Variants in INSL6 observed in about 807,000 individuals in gnomAD.
INSL6 encodes the protein insulin like 6.
A neutral mutation model predicts 9.4 loss-of-function variants in INSL6; 16 were observed. The ratio of observed to expected loss-of-function variants is 1.70; its 90% confidence interval spans 1.15 to 2.59. The LOEUF is 2.59. Ranked by LOEUF, INSL6 falls within the 30% of genes most tolerant of loss-of-function variation. The pLI, the probability that INSL6 is intolerant of heterozygous loss-of-function variation, is 0.00. For missense variants in INSL6, 391 were observed against 257.3 expected (o/e 1.52, Z -3.56); for synonymous variants, 154 against 96.9 (o/e 1.59, Z -3.46).
At chr9:5,008,301 AC>A in the INSL6 span, among the ~76,000 whole-genome samples, 1 of 152,212 alleles carries the variant, frequency 6.6e-6, no homozygotes, top group East Asian at 1.9e-4. Context: ...TTATGGCCTA[AC>A]ATGTGGTCTA....
the INSL6 span, among the ~76,000 whole-genome samples, chr9:5,070,718 G>GA: frequency 3.9e-5 from 6 of 151,932 alleles, no homozygotes; most frequent in Non-Finnish European, 8.8e-5. Context: ...TGGATTTATT[G>GA]AAAAAAACCC....
At chr9:5,128,569 G>A (rs1483443300) in intron 3 of INSL6, among the ~76,000 whole-genome samples, 1 of 151,720 alleles carries the variant, frequency 6.6e-6, no homozygotes, top group Admixed American at 6.6e-5. Flanking sequence ...CTCTAACATT[G>A]CTTTTTAAAA....
intron 3 of INSL6, among the ~76,000 whole-genome samples, chr9:5,129,839 T>G (rs1824226246): frequency 6.6e-6 from 1 of 152,194 alleles, no homozygotes; most frequent in Non-Finnish European, 1.5e-5. Context: ...CTTTTTACAT[T>G]AATCAGATTC....
At chr9:5,149,967 A>C (rs1268441222) in intron 2 of INSL6, among the ~76,000 whole-genome samples, 1 of 152,178 alleles carries the variant, frequency 6.6e-6, no homozygotes, top group Non-Finnish European at 1.5e-5. Context: ...ACTGATCTCT[A>C]ACAACGTTGA....
Position 5,185,596 on chromosome 9 carries a change from G to C in INSL6, c.7C>G (p.Arg3Gly). 5 of 1,611,892 alleles carry C rather than the reference G, an allele frequency of 3.1e-6. No homozygotes were observed. The highest frequency in any genetic ancestry group is 1.1e-5 in the South Asian group (1 of 90,818). MP[R>G]LLRLSLLWLG... ...CACAGCAGGGACAAGCGGAGGAGCC[G>C]CGGCATCCCTGTGACCCCAGGCTAG... The change falls in exon 1 of 2, where the codon CGG becomes GGG. Residue 3 changes from arginine to glycine, a missense_variant. Transcript: ENST00000381641.
chr9:5,016,268 C>G, the INSL6 span, among the ~76,000 whole-genome samples: 2 of 152,144 alleles, frequency 1.3e-5, no homozygotes, highest in African/African-American at 4.8e-5. Context: ...TGCATCGTAT[C>G]AGATACCTCC....
At chr9:5,064,514 A>T in the INSL6 span, among the ~76,000 whole-genome samples, 1 of 151,230 alleles carries the variant, frequency 6.6e-6, no homozygotes, top group East Asian at 1.9e-4. Context: ...TGGGCGATGG[A>T]GCAAGACTCT....
the INSL6 span, among the ~76,000 whole-genome samples, chr9:5,087,336 A>T: frequency 2.0e-4 from 30 of 152,292 alleles, no homozygotes; most frequent in East Asian, 5.8e-3. Context: ...ATCTCATGAG[A>T]ACTATCACGA....
the INSL6 span, among the ~76,000 whole-genome samples, chr9:5,115,563 A>G: frequency 2.6e-5 from 4 of 152,342 alleles, no homozygotes; most frequent in East Asian, 7.7e-4. Context: ...ATTACTGGGT[A>G]TATACCCAAA....
At chr9:5,122,176 AC>A (rs1418790139), downstream of INSL6, among the ~76,000 whole-genome samples, 3 of 152,114 alleles carry the variant, frequency 2.0e-5, no homozygotes, top group African/African-American at 7.2e-5. Flanking sequence ...TATGTAATTC[AC>A]ATTTTTAATA....
At chr9:5,156,542 T>TA (rs952977059) in intron 2 of INSL6, among the ~76,000 whole-genome samples, 2 of 151,510 alleles carry the variant, frequency 1.3e-5, no homozygotes, top group East Asian at 3.9e-4. Context: ...TACTCATGAT[T>TA]AAAAAAAAAT....
At chr9:5,070,336 G>C in the INSL6 span, among the ~76,000 whole-genome samples, 1 of 151,672 alleles carries the variant, frequency 6.6e-6, no homozygotes, top group Non-Finnish European at 1.5e-5. Flanking sequence ...GACCTATATC[G>C]CAACTCCCAA....
chr9:5,030,265 A>G, the INSL6 span, among the ~76,000 whole-genome samples: 5 of 152,172 alleles, frequency 3.3e-5, no homozygotes, highest in Non-Finnish European at 5.9e-5. Context: ...TTCACATCTT[A>G]TCTTTATAAA....
At chr9:5,065,375 A>G in the INSL6 span, among the ~76,000 whole-genome samples, 1 of 152,326 alleles carries the variant, frequency 6.6e-6, no homozygotes, top group East Asian at 1.9e-4. Flanking sequence ...CCACAGTGCA[A>G]AATTTGAAAA....
chr9:5,100,838 G>A, the INSL6 span: 1 of 152,300 alleles, frequency 6.6e-6, no homozygotes, highest in Non-Finnish European at 1.5e-5. Context: ...ACAGCCACAG[G>A]CTTTCATGGA....
At chr9:5,061,082 G>A in the INSL6 span, among the ~76,000 whole-genome samples, 5 of 152,288 alleles carry the variant, frequency 3.3e-5, 1 homozygote, top group South Asian at 8.3e-4. Flanking sequence ...AAAATAGTCA[G>A]TAAACCATGC....
the INSL6 span, chr9:5,073,570 T>G: frequency 1.4e-6 from 1 of 720,770 alleles, no homozygotes; most frequent in East Asian, 2.5e-5. Context: ...CCAAAGCACA[T>G]TGTATCCTCA....
At chr9:5,157,284 T>C (rs921107333) in intron 2 of INSL6, among the ~76,000 whole-genome samples, 9 of 152,072 alleles carry the variant, frequency 5.9e-5, no homozygotes, top group Admixed American at 3.9e-4. Context: ...GGCTCAACAA[T>C]AGCCAATACA....
chr9:5,005,047 G>A, the INSL6 span, among the ~76,000 whole-genome samples: 7 of 129,054 alleles, frequency 5.4e-5, no homozygotes, highest in Non-Finnish European at 1.1e-4. Flanking sequence ...CTCTTGAGTA[G>A]TTGGGACTGC....
Sources: gnomAD v4.1 joint callset for allele counts (sites outside exome capture counted in the v4.1 genomes callset) on GRCh38, gnomAD v4.1.1 for gene constraint, MANE v1.5 for transcripts, NCBI Gene and HGNC (gene_info 2026-07-23, HGNC 2026-07-21) for gene names.